The following SCN1B variants were observed in gnomAD, a reference collection of about 807,000 sequenced individuals.
The protein encoded by SCN1B is sodium voltage-gated channel beta subunit 1, also known as sodium channel regulatory subunit beta-1.
Under a neutral mutation model 25.7 loss-of-function variants are expected in SCN1B, and 11 were observed. That is an observed-to-expected ratio of 0.43 (90% confidence interval 0.27 to 0.71). The LOEUF (loss-of-function observed/expected upper bound fraction) is 0.71, where lower values mean the gene tolerates loss of function less well. SCN1B is among the 30% of genes least tolerant of loss of function. The probability of loss-of-function intolerance (pLI) is 0.21; values close to 1 mark genes in which losing one functional copy is unlikely to be tolerated. For synonymous variants in SCN1B, 119 were observed against 117.5 expected (o/e 1.01, Z -0.08); for missense variants, 224 against 291.5 (o/e 0.77, Z 1.69).
Position 35,033,654 on chromosome 19 carries a change from C to T in SCN1B, c.363C>T (p.Cys121=), listed in dbSNP as rs104894718. ...ACAACCACTCGGGCGACTACGAGTG[C>T]CACGTCTACCGCCTGCTCTTCTTCG... ...VTYNHSGDYE[C]HVYRLLFFEN... The change falls in exon 3 of 6, where the codon TGC becomes TGT. Residue 121 remains cysteine (C), a synonymous_variant. Coordinates refer to ENST00000262631, the MANE Select transcript of SCN1B (RefSeq NM_001037.5). The T allele has an allele frequency of 6.2e-7, 1 of 1,614,194 alleles. No individual in the cohort carries two copies. The highest frequency in any genetic ancestry group is 8.5e-7 in the Non-Finnish European group (1 of 1,180,036).
rs892727510 is a variant in SCN1B at position 35,040,004 on chromosome 19, A to C, written c.*213A>C. On this transcript the variant is annotated 3_prime_UTR_variant, in exon 6 of 6. Coordinates refer to ENST00000262631, the MANE Select transcript of SCN1B (RefSeq NM_001037.5). ...CCTGCCCCGCCGGCCGCGCACCGCC[A>C]TGCATGATGGGTAAAGCAATACTGC... 14 of 448,356 alleles carry C rather than the reference A, an allele frequency of 3.1e-5. No homozygotes were observed. In the Admixed American group the frequency reaches 4.5e-4, roughly 14 times the overall value. 27.8% of individuals were successfully genotyped at this position (448,356 alleles called of 1,614,324 possible).
intron 1 of SCN1B, chr19:35,031,788 T>G: frequency 6.5e-6 from 1 of 153,534 alleles, no homozygotes; most frequent in Non-Finnish European, 1.4e-5. Context: ...CAGGTAAGAG[T>G]GTGAAGGAAT....
chr19:35,034,224 G>A, intron 3 of SCN1B: 1 of 1,479,560 alleles, frequency 6.8e-7, no homozygotes, highest in Non-Finnish European at 9.1e-7. Context: ...CAGCCCTGCT[G>A]CCCTCTGTGG....
chr19:35,037,620 T>C (rs1279650441), intron 3 of SCN1B: 2 of 151,934 alleles, frequency 1.3e-5, no homozygotes, highest in African/African-American at 2.4e-5. Flanking sequence ...GCTTGACTGA[T>C]GGCAGGCGCC....
At position 35,039,813 on chromosome 19, in the gene SCN1B, C is replaced by T; in HGVS notation, c.*22C>T. On this transcript the variant is annotated 3_prime_UTR_variant, in exon 6 of 6. Coordinates refer to ENST00000262631, the MANE Select transcript of SCN1B (RefSeq NM_001037.5). ...CCCCTTCAGGCCCTGGGCCCCGCCT[C>T]AAGGAAGAGCCAGCCGTAATGGGGA... 1 of 1,169,840 alleles carries T rather than the reference C, an allele frequency of 8.5e-7. No homozygotes were observed. The highest frequency in any genetic ancestry group is 2.5e-5 in the East Asian group (1 of 39,276). The allele number at this position is 1,169,840 out of a possible 1,614,324, so 72.5% of individuals were successfully genotyped here.
At chr19:35,039,283 GAGGGCACCC>G (rs751459758) in intron 4 of SCN1B, 25 bp downstream of exon 4, 1 of 1,609,556 alleles carries the variant, frequency 6.2e-7, no homozygotes. Flanking sequence ...TGGGAGGTGG[GAGGGCACCC>G]AGGGCACCGT....
Position 35,034,087 on chromosome 19 carries a change from G to T in SCN1B, c.448+348G>T, listed in dbSNP as rs2064233650. ...GATAATAATCCGATGTGTTTCTCGG[G>T]GTGTGGTTTGAGCCATTCTTCCATC... On this transcript the variant is annotated intron_variant, in intron 3 of 5. Transcript: ENST00000262631. The T allele has an allele frequency of 6.4e-7, 1 of 1,551,620 alleles. No individual in the cohort carries two copies. The highest frequency in any genetic ancestry group is 1.2e-5 in the South Asian group (1 of 84,056).
rs1057520587 is a variant in SCN1B at position 35,030,795 on chromosome 19, G to A, written c.-26G>A. 3.9e-6 allele frequency: 4 copies of A among 1,020,846 alleles called. No homozygotes were observed. The highest frequency in any genetic ancestry group is 4.0e-5 in the Admixed American group (1 of 24,978). 63.2% of individuals were successfully genotyped at this position (1,020,846 alleles called of 1,614,324 possible). On this transcript the variant is annotated 5_prime_UTR_variant, in exon 1 of 6. Transcript: ENST00000262631. ...GCTATTAATACCGGCGGCCCGGGAG[G>A]GGGGCGCAGCACGCGCCGCGCAGCC... is the stretch of plus-strand genomic sequence containing the variant.
chr19:35,038,301 T>C (rs1376769223), intron 3 of SCN1B: 2 of 151,958 alleles, frequency 1.3e-5, no homozygotes, highest in African/African-American at 4.8e-5. Flanking sequence ...GCTGAACGCG[T>C]TCCCTTTACA....
chr19:35,035,891 C>T (rs1434030247), intron 3 of SCN1B: 1 of 151,712 alleles, frequency 6.6e-6, no homozygotes, highest in East Asian at 2.0e-4. Flanking sequence ...GTTAAAGAGA[C>T]CAAGTCTTGC....
In SCN1B at chr19:35,040,107, T is replaced by A; in HGVS notation, c.*316T>A. On this transcript the variant is annotated 3_prime_UTR_variant, in exon 6 of 6. Coordinates refer to ENST00000262631, the MANE Select transcript of SCN1B (RefSeq NM_001037.5). Reference sequence around the variant, plus strand: ...GGGGGCAGCGGCCCCGCACCCCTCCTCCTTGCTGATTTGCACACATTGGCC... The same window carrying A: ...GGGGGCAGCGGCCCCGCACCCCTCCACCTTGCTGATTTGCACACATTGGCC... The A allele has an allele frequency of 3.7e-6, 1 of 273,966 alleles. No homozygotes were observed. The highest frequency in any genetic ancestry group is 4.0e-5 in the South Asian group (1 of 25,266). 17.0% of individuals were successfully genotyped at this position (273,966 alleles called of 1,614,324 possible). A position where few individuals can be genotyped will look rare whatever the true frequency, so the allele number is the denominator to read the frequency against.
chr19:35,032,507 C>T lies in SCN1B; in HGVS notation c.41-21C>T, dbSNP rs374254905. On this transcript the variant is annotated intron_variant, in intron 1 of 5. Coordinates refer to ENST00000262631, the MANE Select transcript of SCN1B (RefSeq NM_001037.5). This position sits in a 1 kb window ranked among gnomAD's most constrained non-coding sequence, Gnocchi z 4.3. ...AGGGCAATGGGTGCCTCTGCCTGAC[C>T]TGAGCCTGCTGTCCCCACAGTGTCC... 2.5e-5 allele frequency: 40 copies of T among 1,612,804 alleles called. No homozygotes were observed. In the African/African-American group the frequency reaches 4.7e-4, roughly 19 times the overall value.
At chr19:35,038,495 A>G (rs912575661) in intron 3 of SCN1B, 2 of 165,840 alleles carry the variant, frequency 1.2e-5, no homozygotes, top group African/African-American at 2.4e-5. Context: ...GAGTGTTCCC[A>G]TCTCCATTTT....
At chr19:35,039,055 A>G (rs906182674) in intron 3 of SCN1B, 62 bp from the exon 4 acceptor site, 2 of 1,600,520 alleles carry the variant, frequency 1.2e-6, no homozygotes, top group African/African-American at 1.3e-5. Flanking sequence ...CAGCAAGCTC[A>G]CAGCACACTC....
chr19:35,039,822 GCCA>G lies in SCN1B; in HGVS notation c.*32_*34del. ...GCCCTGGGCCCCGCCTCAAGGAAGA[GCCA>G]GCCGTAATGGGGACTCTCCAGGCAC... On this transcript the variant is annotated 3_prime_UTR_variant, in exon 6 of 6. Coordinates refer to ENST00000262631, the MANE Select transcript of SCN1B (RefSeq NM_001037.5). The G allele has an allele frequency of 9.1e-7, 1 of 1,102,326 alleles. No individual in the cohort carries two copies. Among genetic ancestry groups the G allele is most frequent in the Non-Finnish European group, 1.3e-6 (1 of 751,990 alleles). The allele number at this position is 1,102,326 out of a possible 1,614,324, so 68.3% of individuals were successfully genotyped here.
chr19:35,034,011 T>C, intron 3 of SCN1B: 2 of 1,549,492 alleles, frequency 1.3e-6, no homozygotes, highest in Non-Finnish European at 1.7e-6. Context: ...GTATGACCTC[T>C]GGCAGGTGCC....
intron 2 of SCN1B, 41 bp from the exon 3 acceptor site, chr19:35,033,458 G>A (rs778429056): frequency 1.3e-5 from 21 of 1,611,994 alleles, no homozygotes; most frequent in African/African-American, 5.3e-5. Flanking sequence ...AGGGAAGAGA[G>A]GCCCAGGCAG....
chr19:35,032,576 C>A lies in SCN1B; in HGVS notation c.89C>A (p.Ala30Asp). The A allele has an allele frequency of 6.2e-7, 1 of 1,614,100 alleles. No homozygotes were observed. The highest frequency in any genetic ancestry group is 8.5e-7 in the Non-Finnish European group (1 of 1,180,050). ...GTGGAGGTGGACTCGGAGACCGAGG[C>A]CGTGTATGGGATGACCTTCAAAATT... ...GCVEVDSETE[A>D]VYGMTFKILC... Residue 30 changes from alanine (A) to aspartate (D), a missense_variant, in exon 2 of 6, where the codon GCC becomes GAC. Ala to Asp is a moderately radical substitution (Grantham distance 126). Around this residue, in one of 3 missense-constraint regions of SCN1B, gnomAD observed 46 missense variants for 35.8 expected, o/e 1.29. Coordinates refer to ENST00000262631, the MANE Select transcript of SCN1B (RefSeq NM_001037.5). The surrounding 1 kb of genome is among the most constrained non-coding windows in gnomAD (Gnocchi z 4.3).
chr19:35,039,434 GC>G (rs2064270588), intron 4 of SCN1B, 176 bp downstream of exon 4: 1 of 1,024,474 alleles, frequency 9.8e-7, no homozygotes, highest in Non-Finnish European at 1.5e-6. Context: ...GTCAGACCCA[GC>G]CCCTTCCTCC....
Sources: gnomAD v4.1 joint callset for allele counts on GRCh38, gnomAD v4.1.1 for gene constraint, gnomAD v4.1.1 regional missense constraint, Gnocchi (gnomAD v3.1) non-coding constraint, MANE v1.5 for transcripts, NCBI Gene and HGNC (gene_info 2026-07-23, HGNC 2026-07-21) for gene names.